The following STX6 variants were observed in gnomAD, a reference collection of about 807,000 sequenced individuals.
The protein encoded by STX6 is syntaxin-6.
A neutral mutation model predicts 38.0 loss-of-function variants in STX6; 23 were observed. That is an observed-to-expected ratio of 0.60 (90% CI 0.43 to 0.86). STX6 has a LOEUF of 0.86. Among genes scored for constraint, STX6 ranks in the 40% least tolerant of loss-of-function variants. STX6 has a pLI of 0.00. For missense variants in STX6, 274 were observed against 312.9 expected, an observed-to-expected ratio of 0.88 and a Z score of 0.94; for synonymous variants, 123 against 107.5, an observed-to-expected ratio of 1.14 and a Z score of -0.89.
chr1:181,022,805 C>G lies in STX6; in HGVS notation c.-132G>C, dbSNP rs964612332. 8 of 850,956 alleles carry G rather than the reference C, an allele frequency of 9.4e-6. No homozygotes were observed. The highest frequency in any genetic ancestry group is 1.5e-5 in the Non-Finnish European group (8 of 537,628). The allele number at this position is 850,956 out of a possible 1,614,324, so 52.7% of individuals were successfully genotyped here. On this transcript the variant is annotated 5_prime_UTR_variant, in exon 1 of 8. Transcript: ENST00000258301. ...TCTGGGTGAAGCCGAGCAGCGGGCA[C>G]GCGCACAGGCCAGGTGCACAGGACG... is the stretch of plus-strand genomic sequence containing the variant.
chr1:180,983,804 C>T (rs938513024), intron 7 of STX6, among the ~76,000 whole-genome samples: 1 of 152,134 alleles, frequency 6.6e-6, no homozygotes, highest in African/African-American at 2.4e-5. Flanking sequence ...GTGGCTCACG[C>T]CTGTAATCCC....
rs1440363764 is a variant in STX6 at position 181,022,780 on chromosome 1, TCTGGGTGAAGC to T, written c.-118_-108del. The T allele has an allele frequency of 8.3e-7, 1 of 1,202,484 alleles. No individual in the cohort carries two copies. The highest frequency in any genetic ancestry group is 1.2e-6 in the Non-Finnish European group (1 of 843,364). The allele number at this position is 1,202,484 out of a possible 1,614,324, so 74.5% of individuals were successfully genotyped here. A position where few individuals can be genotyped will look rare whatever the true frequency, so the allele number is the denominator to read the frequency against. ...GTTCCCGCAGCTGCCCGCGCCTTAG[TCTGGGTGAAGC>T]CGAGCAGCGGGCACGCGCACAGGCC... On this transcript the variant is annotated 5_prime_UTR_variant, in exon 1 of 8. Transcript: ENST00000258301.
intron 7 of STX6, among the ~76,000 whole-genome samples, chr1:180,981,274 G>A (rs902406393): frequency 6.6e-6 from 1 of 152,134 alleles, no homozygotes; most frequent in Admixed American, 6.5e-5. Context: ...CATGGGGGAA[G>A]GGGGCTATAT....
At chr1:181,005,614 A>T in intron 1 of STX6, 151 bp from the exon 2 acceptor site, 2 of 676,782 alleles carry the variant, frequency 3.0e-6, no homozygotes, top group South Asian at 2.3e-5. Flanking sequence ...ATCAAAGTTC[A>T]AAACTTTGAT....
At chr1:180,987,798 T>A (rs1483357964) in intron 6 of STX6, 5 of 151,076 alleles carry the variant, frequency 3.3e-5, no homozygotes, top group South Asian at 2.1e-4. Flanking sequence ...GTAAGTTTTT[T>A]TTAAAAAAAA....
intron 2 of STX6, among the ~76,000 whole-genome samples, chr1:181,003,319 G>T (rs1014907084): frequency 3.9e-5 from 6 of 152,274 alleles, no homozygotes; most frequent in Admixed American, 3.3e-4. Flanking sequence ...GGCTGGTATA[G>T]TGTTTATTAA....
chr1:181,002,671 T>C lies in STX6; in HGVS notation c.235A>G (p.Asn79Asp). The C allele has an allele frequency of 6.2e-7, 1 of 1,613,646 alleles. No homozygotes were observed. Reference sequence around the variant, plus strand: ...ATACTCAATTCAGTTGCATCAAGGTTAAATTTTCTAGGATTTGCTTCAACT... The same window carrying C: ...ATACTCAATTCAGTTGCATCAAGGTCAAATTTTCTAGGATTTGCTTCAACT... Reference protein sequence around the residue: ...SIVEANPRKFNLDATELSIRK... With the variant: ...SIVEANPRKFDLDATELSIRK... Residue 79 changes from asparagine to aspartate, a missense_variant, in exon 3 of 8, where the codon AAC (asparagine) becomes GAC (aspartate). Coordinates refer to ENST00000258301, the MANE Select transcript of STX6 (RefSeq NM_005819.6).
intron 3 of STX6, among the ~76,000 whole-genome samples, chr1:180,993,780 C>T (rs1421559374): frequency 6.6e-6 from 1 of 152,106 alleles, no homozygotes; most frequent in Non-Finnish European, 1.5e-5. Context: ...GTTGAGGAGA[C>T]CTAGGTCCAA....
At chr1:181,008,732 T>G (rs1021791767) in intron 1 of STX6, among the ~76,000 whole-genome samples, 7 of 150,242 alleles carry the variant, frequency 4.7e-5, no homozygotes, top group African/African-American at 9.8e-5. Context: ...AAATTGTTTT[T>G]TTTTTTTTTT....
intron 1 of STX6, among the ~76,000 whole-genome samples, chr1:181,019,351 AG>A (rs1009048753): frequency 1.7e-4 from 25 of 144,996 alleles, no homozygotes; most frequent in Non-Finnish European, 2.6e-4. Context: ...GGAAATACAG[AG>A]GAAAAAAAAA....
chr1:180,974,676 C>T lies in STX6; in HGVS notation c.*1894G>A, dbSNP rs542739095. ...CAAGGTTCACATTTACTTTAAAAGA[C>T]TTCTATATTTTAATGCAAATCTAAG... On this transcript the variant is annotated 3_prime_UTR_variant, in exon 8 of 8. Transcript: ENST00000258301. The T allele has an allele frequency of 7.9e-5, 12 of 152,574 alleles. No homozygotes were observed. The highest frequency in any genetic ancestry group is 1.6e-4 in the Non-Finnish European group (11 of 68,032). 9.5% of individuals were successfully genotyped at this position (152,574 alleles called of 1,614,324 possible).
chr1:180,988,900 C>G (rs1216447442), intron 5 of STX6: 2 of 152,286 alleles, frequency 1.3e-5, no homozygotes, highest in Non-Finnish European at 2.9e-5. Flanking sequence ...TTGCATTCTT[C>G]TCACTTTCTA....
In STX6 at chr1:181,022,843, G is replaced by C. The variant is rs1285903595; in HGVS notation, c.-170C>G. 1 of 630,218 alleles carries C rather than the reference G, an allele frequency of 1.6e-6. No homozygotes were observed. The highest frequency in any genetic ancestry group is 2.7e-6 in the Non-Finnish European group (1 of 367,180). The allele number at this position is 630,218 out of a possible 1,614,324, so 39.0% of individuals were successfully genotyped here. On this transcript the variant is annotated 5_prime_UTR_variant, in exon 1 of 8. Transcript: ENST00000258301. Reference sequence around the variant, plus strand: ...GGTGCACAGGACGGCCGCTGGTCCAGCACTCGCTCAGCACCACTGGCCGAA... The same window carrying C: ...GGTGCACAGGACGGCCGCTGGTCCACCACTCGCTCAGCACCACTGGCCGAA...
chr1:180,982,543 T>C (rs1299331972), intron 7 of STX6, among the ~76,000 whole-genome samples: 2 of 152,212 alleles, frequency 1.3e-5, no homozygotes, highest in African/African-American at 2.4e-5. Context: ...TTATACACAC[T>C]GGGTCGCTTC....
At position 180,976,193 on chromosome 1, in the gene STX6, G is replaced by T; in HGVS notation, c.*377C>A. 4.2e-6 allele frequency: 1 copy of T among 240,606 alleles called. No homozygotes were observed. Among genetic ancestry groups the T allele is most frequent in the Non-Finnish European group, 8.5e-6 (1 of 117,580 alleles). The allele number at this position is 240,606 out of a possible 1,614,324, so 14.9% of individuals were successfully genotyped here. A position where few individuals can be genotyped will look rare whatever the true frequency, so the allele number is the denominator to read the frequency against. Reference sequence around the variant, plus strand: ...TGTCTGAGCACGGGGAAGGGTCTGAGCAGAAGAAAAGAGCTGCCAAAGATG... The same window carrying T: ...TGTCTGAGCACGGGGAAGGGTCTGATCAGAAGAAAAGAGCTGCCAAAGATG... On this transcript the variant is annotated 3_prime_UTR_variant, in exon 8 of 8. Coordinates refer to ENST00000258301, the MANE Select transcript of STX6 (RefSeq NM_005819.6).
intron 3 of STX6, among the ~76,000 whole-genome samples, chr1:181,001,651 T>G (rs1394820405): frequency 6.6e-6 from 1 of 152,038 alleles, no homozygotes; most frequent in African/African-American, 2.4e-5. Flanking sequence ...CCACTAAGAG[T>G]CACTCTTCAA....
Position 180,976,317 on chromosome 1 carries a change from C to G in STX6, c.*253G>C. 2.1e-6 allele frequency: 1 copy of G among 470,434 alleles called. No homozygotes were observed. Among genetic ancestry groups the G allele is most frequent in the Admixed American group, 3.3e-5 (1 of 30,458 alleles). The allele number at this position is 470,434 out of a possible 1,614,324, so 29.1% of individuals were successfully genotyped here. On this transcript the variant is annotated 3_prime_UTR_variant, in exon 8 of 8. Transcript: ENST00000258301. Reference sequence around the variant, plus strand: ...AGGCAGCAGCTAGTTCTCCTCCGAACTGGACAGGCGGCATGGGGCTTCTGT... The same window carrying G: ...AGGCAGCAGCTAGTTCTCCTCCGAAGTGGACAGGCGGCATGGGGCTTCTGT...
chr1:180,994,604 G>T (rs945142725), intron 3 of STX6, among the ~76,000 whole-genome samples: 1 of 152,214 alleles, frequency 6.6e-6, no homozygotes, highest in Non-Finnish European at 1.5e-5. Flanking sequence ...CTCATAAGTG[G>T]ATGAGATTTC....
intron 2 of STX6, among the ~76,000 whole-genome samples, chr1:181,004,226 A>C (rs971383482): frequency 2.6e-5 from 4 of 152,322 alleles, no homozygotes; most frequent in Middle Eastern, 3.4e-3. Flanking sequence ...TACTGTAATA[A>C]ATGCAAATTC....
Sources: allele counts gnomAD v4.1 joint callset (sites outside exome capture counted in the v4.1 genomes callset), GRCh38; gene constraint gnomAD v4.1.1; transcripts MANE v1.5; gene names NCBI Gene and HGNC (gene_info 2026-07-23, HGNC 2026-07-21).